The following SLC38A6 variants were observed in gnomAD, a reference collection of about 807,000 sequenced individuals.
SLC38A6 encodes N system amino acid transporter NAT-1.
Under a neutral mutation model 65.0 loss-of-function variants are expected in SLC38A6, and 73 were observed. That is an observed-to-expected ratio of 1.12 (90% CI 0.93 to 1.37). SLC38A6 has a LOEUF of 1.37. Ranked by LOEUF, SLC38A6 falls within the 40% of genes most tolerant of loss-of-function variation. The pLI is 0.00. For synonymous variants in SLC38A6, 183 were observed against 178.8 expected, an observed-to-expected ratio of 1.02 and a Z score of -0.19; for missense variants, 561 against 531.1, an observed-to-expected ratio of 1.06 and a Z score of -0.55.
intron 6 of SLC38A6, among the ~76,000 whole-genome samples, chr14:61,033,507 T>TC (rs1289920579): frequency 6.6e-6 from 1 of 152,016 alleles, no homozygotes; most frequent in Non-Finnish European, 1.5e-5. Context: ...CGTTCTTTAT[T>TC]CCCCCCTTAG....
intron 3 of SLC38A6, among the ~76,000 whole-genome samples, chr14:61,015,211 A>G (rs1487590666): frequency 6.6e-6 from 1 of 152,152 alleles, no homozygotes; most frequent in Non-Finnish European, 1.5e-5. Flanking sequence ...CTGGTGTACC[A>G]TTTGCTAAGA....
intron 4 of SLC38A6, among the ~76,000 whole-genome samples, chr14:61,016,659 A>G (rs972765112): frequency 6.6e-6 from 1 of 152,200 alleles, no homozygotes; most frequent in Non-Finnish European, 1.5e-5. Context: ...TGTTAGTGCT[A>G]TAGTATATAT....
intron 3 of SLC38A6, among the ~76,000 whole-genome samples, chr14:60,985,603 T>C (rs971672821): frequency 6.6e-6 from 1 of 152,222 alleles, no homozygotes; most frequent in African/African-American, 2.4e-5. Flanking sequence ...TTTTGCTTTA[T>C]CTGGCCTTGT....
chr14:61,037,591 A>T (rs1178671122), intron 7 of SLC38A6, 34 bp from the exon 8 acceptor site: 4 of 1,475,204 alleles, frequency 2.7e-6, no homozygotes, highest in Admixed American at 3.8e-5. Flanking sequence ...CGCTTTCCTT[A>T]TAAATTGCTT....
downstream of SLC38A6, among the ~76,000 whole-genome samples, chr14:61,053,552 T>C (rs2042604501): frequency 1.3e-5 from 2 of 152,150 alleles, no homozygotes; most frequent in South Asian, 2.1e-4. Flanking sequence ...CAGTATGTTA[T>C]TTTTTGACTT....
chr14:61,009,834 G>A (rs558476072), intron 3 of SLC38A6, among the ~76,000 whole-genome samples: 104 of 152,252 alleles, frequency 6.8e-4, no homozygotes, highest in African/African-American at 2.4e-3. Flanking sequence ...TAGTGCCACA[G>A]TAAACATACG....
chr14:61,001,654 T>C (rs1052606551), intron 3 of SLC38A6, among the ~76,000 whole-genome samples: 4 of 152,200 alleles, frequency 2.6e-5, no homozygotes, highest in Non-Finnish European at 4.4e-5. Context: ...TGATTGCCTC[T>C]CTAAGTCTAA....
downstream of SLC38A6, among the ~76,000 whole-genome samples, chr14:61,053,355 T>C (rs1461160310): frequency 6.6e-6 from 1 of 152,134 alleles, no homozygotes; most frequent in African/African-American, 2.4e-5. Context: ...AACATTTACG[T>C]GCATGTGTCT....
At position 61,037,088 on chromosome 14, in the gene SLC38A6, T is replaced by A; in HGVS notation, c.512T>A (p.Leu171Gln). Residue 171 changes from leucine (L) to glutamine (Q), a missense_variant, in exon 7 of 16, where the codon CTA (leucine) becomes CAA (glutamine). Coordinates refer to ENST00000267488, the MANE Select transcript of SLC38A6 (RefSeq NM_153811.3). ...RYWYLDGQTL[L>Q]IIICVGIVFP... ...TGGTATCTTGATGGACAAACACTAC[T>A]AATAATCATATGTGTTGGCATTGTG... 6.2e-7 allele frequency: 1 copy of A among 1,609,918 alleles called. No individual in the cohort carries two copies. Among genetic ancestry groups the A allele is most frequent in the Non-Finnish European group, 8.5e-7 (1 of 1,177,658 alleles).
chr14:60,991,775 A>G (rs920040402), intron 3 of SLC38A6, among the ~76,000 whole-genome samples: 14 of 152,182 alleles, frequency 9.2e-5, no homozygotes, highest in African/African-American at 3.4e-4. Context: ...TCATCAAGGA[A>G]GGAGGATCTA....
chr14:61,035,440 A>C (rs957617737), intron 6 of SLC38A6, among the ~76,000 whole-genome samples: 1 of 152,070 alleles, frequency 6.6e-6, no homozygotes, highest in African/African-American at 2.4e-5. Flanking sequence ...AATATTTTCA[A>C]ATGTTGGGTA....
chr14:61,008,055 C>G (rs2039282060), intron 3 of SLC38A6, among the ~76,000 whole-genome samples: 1 of 151,974 alleles, frequency 6.6e-6, no homozygotes, highest in East Asian at 1.9e-4. Flanking sequence ...TGTCTCAAAT[C>G]CACCCTTGTA....
At chr14:61,032,903 A>G (rs1345082851) in intron 6 of SLC38A6, among the ~76,000 whole-genome samples, 2 of 151,906 alleles carry the variant, frequency 1.3e-5, no homozygotes, top group Non-Finnish European at 2.9e-5. Flanking sequence ...CAGGTATGCT[A>G]ATTTTCTGGG....
chr14:61,006,464 AC>A (rs1189089043), intron 3 of SLC38A6, among the ~76,000 whole-genome samples: 9 of 152,228 alleles, frequency 5.9e-5, no homozygotes, highest in Non-Finnish European at 1.0e-4. Flanking sequence ...TCTACAATGA[AC>A]TCAAACAAAT....
chr14:61,023,269 G>T (rs1273027373), intron 5 of SLC38A6, among the ~76,000 whole-genome samples: 1 of 152,104 alleles, frequency 6.6e-6, no homozygotes, highest in Non-Finnish European at 1.5e-5. Context: ...TGTAAAATGG[G>T]TTAACAATAT....
intron 2 of SLC38A6, 83 bp downstream of exon 2, chr14:60,982,721 G>A (rs2037154841): frequency 1.4e-6 from 2 of 1,404,300 alleles, no homozygotes; most frequent in Non-Finnish European, 1.9e-6. Flanking sequence ...TCCAGAAGCT[G>A]CTATTATACA....
rs2041920373 is a variant in SLC38A6, at chr14:61,043,245, C to T, written c.690+33C>T. On this transcript the variant is annotated intron_variant, in intron 9 of 15. Coordinates refer to ENST00000267488, the MANE Select transcript of SLC38A6 (RefSeq NM_153811.3). Reference sequence around the variant, plus strand: ...CTTATATTTTCTTTTCAGTTTCTTCCTTTTTATTTTAACTAAAAAGAAAAG... The same window carrying T: ...CTTATATTTTCTTTTCAGTTTCTTCTTTTTTATTTTAACTAAAAAGAAAAG... 3.0e-6 allele frequency: 4 copies of T among 1,344,572 alleles called. No homozygotes were observed. In the Admixed American group the frequency reaches 9.3e-5, roughly 31 times the overall value. 83.3% of individuals were successfully genotyped at this position (1,344,572 alleles called of 1,614,324 possible). A position where few individuals can be genotyped will look rare whatever the true frequency, so the allele number is the denominator to read the frequency against.
intron 15 of SLC38A6, among the ~76,000 whole-genome samples, chr14:61,077,928 C>T (rs1231606828): frequency 6.6e-6 from 1 of 152,150 alleles, no homozygotes. Context: ...TTTATTCTGG[C>T]GAGAGCAAAT....
chr14:60,994,719 A>T (rs1474629545), intron 3 of SLC38A6, among the ~76,000 whole-genome samples: 2 of 145,302 alleles, frequency 1.4e-5, no homozygotes, highest in Non-Finnish European at 3.0e-5. Flanking sequence ...AAAAAAAAAA[A>T]AATACCCAGC....
Sources: gnomAD v4.1 joint callset for allele counts (sites outside exome capture counted in the v4.1 genomes callset) on GRCh38, gnomAD v4.1.1 for gene constraint, MANE v1.5 for transcripts, NCBI Gene and HGNC (gene_info 2026-07-23, HGNC 2026-07-21) for gene names.